SORBS2: variants seen among roughly 807,000 people sequenced by gnomAD.
SORBS2 encodes sorbin and SH3 domain-containing protein 2.
Under a neutral mutation model 97.7 loss-of-function variants are expected in SORBS2, and 46 were observed. The ratio of observed to expected loss-of-function variants is 0.47; its 90% CI spans 0.37 to 0.60. The LOEUF (loss-of-function observed/expected upper bound fraction) is 0.60, where lower values mean the gene tolerates loss of function less well. Among genes scored for constraint, SORBS2 ranks in the 20% least tolerant of loss-of-function variants. SORBS2 has a pLI of 0.00. For missense variants in SORBS2, 1,316 were observed against 1,282.3 expected (o/e 1.03, Z -0.40); for synonymous variants, 476 against 473.4 (o/e 1.01, Z -0.07).
At chr4:185,614,894 G>T in exon 11 of SORBS2, 1 of 1,614,126 alleles carries the variant, frequency 6.2e-7, no homozygotes, top group Non-Finnish European at 8.5e-7. Flanking sequence ...TAGCTTCTCC[G>T]ATTTCTCCGG....
Position 185,635,338 on chromosome 4 carries a change from G to T in SORBS2, c.397-4740C>A. On this transcript the variant is annotated intron_variant, in intron 4 of 14. Coordinates refer to ENST00000418609, the Ensembl canonical transcript of SORBS2. Reference sequence around the variant, plus strand: ...CTAAGGGAGATATCTGAAAAAGAGAGAATAACGTGTTTTTACCTCATTGAA... The same window carrying T: ...CTAAGGGAGATATCTGAAAAAGAGATAATAACGTGTTTTTACCTCATTGAA... 1 of 1,583,590 alleles carries T rather than the reference G, an allele frequency of 6.3e-7. No homozygotes were observed. The highest frequency in any genetic ancestry group is 8.7e-7 in the Non-Finnish European group (1 of 1,152,582).
intron 1 of SORBS2, among the ~76,000 whole-genome samples, chr4:185,932,726 T>G (rs1445210533): frequency 1.5e-5 from 2 of 133,770 alleles, no homozygotes; most frequent in Non-Finnish European, 3.5e-5. Flanking sequence ...CTAAAGCGGA[T>G]GAGCCCCCCT....
intron 2 of SORBS2, among the ~76,000 whole-genome samples, chr4:185,752,964 T>A (rs2098810214): frequency 6.6e-6 from 1 of 152,222 alleles, no homozygotes; most frequent in South Asian, 2.1e-4. Flanking sequence ...ATGCCACACT[T>A]AGAGTACTGG....
chr4:185,627,920 A>G (rs2096844271), intron 5 of SORBS2, among the ~76,000 whole-genome samples: 1 of 152,032 alleles, frequency 6.6e-6, no homozygotes, highest in African/African-American at 2.4e-5. Context: ...TGCCCAGTTG[A>G]TATCATGCAG....
chr4:185,770,915 G>GGTGTTGA (rs905674983), intron 2 of SORBS2: 1 of 149,826 alleles, frequency 6.7e-6, no homozygotes, highest in Admixed American at 6.7e-5. Context: ...ACACTAGCTT[G>GGTGTTGA]GTGTTGATTC....
intron 1 of SORBS2, among the ~76,000 whole-genome samples, chr4:185,942,824 T>C (rs2099272787): frequency 1.3e-5 from 2 of 152,210 alleles, no homozygotes; most frequent in African/African-American, 2.4e-5. Context: ...ATATTAGATC[T>C]TCCATTACTT....
At chr4:185,693,434 G>A (rs1340110988) in intron 2 of SORBS2, among the ~76,000 whole-genome samples, 1 of 152,090 alleles carries the variant, frequency 6.6e-6, no homozygotes, top group Non-Finnish European at 1.5e-5. Context: ...GTAGCTCTTG[G>A]TAGCAAAACT....
chr4:185,887,102 C>T (rs547788483), intron 1 of SORBS2, among the ~76,000 whole-genome samples: 3 of 152,076 alleles, frequency 2.0e-5, no homozygotes, highest in East Asian at 3.9e-4. Context: ...GCGGGGAAGC[C>T]GGAAAAGGCA....
intron 2 of SORBS2, among the ~76,000 whole-genome samples, chr4:185,751,658 C>T (rs1439495102): frequency 6.6e-6 from 1 of 151,984 alleles, no homozygotes; most frequent in East Asian, 1.9e-4. Context: ...TGTGTGTGTG[C>T]ACACGTACAC....
At chr4:185,868,155 C>CTTTCTTTTTTT (rs2099228201) in intron 1 of SORBS2, among the ~76,000 whole-genome samples, 2 of 100,720 alleles carry the variant, frequency 2.0e-5, no homozygotes, top group African/African-American at 8.7e-5. Context: ...TTCTTTTTTT[C>CTTTCTTTTTTT]TTTCTTTTTT....
At chr4:185,918,900 A>T (rs1233493763) in intron 1 of SORBS2, among the ~76,000 whole-genome samples, 1 of 152,240 alleles carries the variant, frequency 6.6e-6, no homozygotes, top group South Asian at 2.1e-4. Flanking sequence ...ATGGATGCAC[A>T]AATGATCTGT....
chr4:185,818,916 A>G (rs10021244), intron 1 of SORBS2, among the ~76,000 whole-genome samples: 151,468 of 152,314 alleles, frequency 0.99, 75,324 homozygotes, highest in Middle Eastern at 1. Context: ...GCATAAAGGT[A>G]GATTTTAAAA....
chr4:185,646,416 T>A (rs2097208811), intron 4 of SORBS2: 2 of 317,066 alleles, frequency 6.3e-6, no homozygotes, highest in Admixed American at 4.8e-5. Context: ...CATGTGTGTG[T>A]GTATATATAT....
chr4:185,686,161 C>A (rs1425690774), intron 2 of SORBS2, among the ~76,000 whole-genome samples: 5 of 151,900 alleles, frequency 3.3e-5, no homozygotes, highest in Non-Finnish European at 5.9e-5. Context: ...ATAATATAAT[C>A]ATTATATATT....
upstream of SORBS2, chr4:185,661,961 G>C: frequency 1.2e-6 from 1 of 818,538 alleles, no homozygotes; most frequent in Non-Finnish European, 1.9e-6. Context: ...CCCATGTTGG[G>C]TCCTCTGCCC....
At chr4:185,797,405 A>G (rs2099110001) in intron 1 of SORBS2, among the ~76,000 whole-genome samples, 1 of 152,178 alleles carries the variant, frequency 6.6e-6, no homozygotes, top group African/African-American at 2.4e-5. Flanking sequence ...TTCACCCACA[A>G]ATATGATCAT....
chr4:185,746,161 G>A (rs2098758747), intron 2 of SORBS2, among the ~76,000 whole-genome samples: 1 of 152,154 alleles, frequency 6.6e-6, no homozygotes, highest in Admixed American at 6.5e-5. Context: ...CATGGAAAGA[G>A]GACTCACTCG....
At chr4:185,690,876 C>T (rs1475996982) in intron 2 of SORBS2, among the ~76,000 whole-genome samples, 8 of 148,060 alleles carry the variant, frequency 5.4e-5, no homozygotes, top group South Asian at 2.2e-4. Flanking sequence ...AAAATGGAGA[C>T]GTTTTGTGCT....
chr4:185,686,169 A>G (rs1181501588), intron 2 of SORBS2, among the ~76,000 whole-genome samples: 1 of 152,192 alleles, frequency 6.6e-6, no homozygotes, highest in Non-Finnish European at 1.5e-5. Flanking sequence ...ATCATTATAT[A>G]TTGTCACATT....
Sources: allele counts gnomAD v4.1 joint callset (sites outside exome capture counted in the v4.1 genomes callset), GRCh38; gene constraint gnomAD v4.1.1; transcripts MANE v1.5; gene names NCBI Gene and HGNC (gene_info 2026-07-23, HGNC 2026-07-21).